The following CHAT variants were observed in gnomAD, a reference collection of about 807,000 sequenced individuals.
The protein encoded by CHAT is acetyl CoA:choline O-acetyltransferase.
In CHAT, 61 loss-of-function variants were observed where a neutral mutation model predicts 76.9. The observed-to-expected ratio is 0.79, with a 90% CI of 0.65 to 0.98. The LOEUF (loss-of-function observed/expected upper bound fraction) is 0.98, where lower values mean the gene tolerates loss of function less well. Among genes scored for constraint, CHAT ranks in the 50% least tolerant of loss-of-function variants. CHAT has a pLI of 0.00. For missense variants in CHAT, 946 were observed against 986.9 expected, an observed-to-expected ratio of 0.96 and a Z score of 0.56; for synonymous variants, 407 against 397.4, an observed-to-expected ratio of 1.02 and a Z score of -0.29.
At chr10:49,633,367 C>T (rs1337532544) in intron 7 of CHAT, among the ~76,000 whole-genome samples, 4 of 152,164 alleles carry the variant, frequency 2.6e-5, no homozygotes, top group Non-Finnish European at 4.4e-5. Flanking sequence ...CTTTCCTGGG[C>T]ACCTTCTGTC....
At chr10:49,629,147 C>G (rs2132740512) in intron 7 of CHAT, among the ~76,000 whole-genome samples, 1 of 152,348 alleles carries the variant, frequency 6.6e-6, no homozygotes, top group East Asian at 1.9e-4. Flanking sequence ...CTGCCTTTCC[C>G]CCCACCTCCT....
Position 49,667,596 on chromosome 10 carries a change from G to C in CHAT, c.*2550G>C, listed in dbSNP as rs974686170. 6.6e-6 allele frequency among the ~76,000 whole-genome samples: 1 copy of C among 152,212 alleles called. No individual in the cohort carries two copies. The highest frequency in any genetic ancestry group is 2.1e-4 in the South Asian group (1 of 4,828). On this transcript the variant is annotated 3_prime_UTR_variant, in exon 15 of 15. Transcript: ENST00000337653. The stretch of plus-strand genomic sequence containing the variant: ...AAAGGCAACACTGAGCCATGGCCAA[G>C]GGCATCTCTGCGGGGACCCTGGGAA...
intron 5 of CHAT, among the ~76,000 whole-genome samples, chr10:49,622,475 T>A (rs368612735): frequency 6.6e-6 from 1 of 152,162 alleles, no homozygotes; most frequent in Non-Finnish European, 1.5e-5. Flanking sequence ...GGAAGAGTTG[T>A]TAGAGTAAGG....
intron 8 of CHAT, 75 bp from the exon 9 acceptor site, chr10:49,648,432 C>A: frequency 8.9e-7 from 1 of 1,117,484 alleles, no homozygotes; most frequent in Admixed American, 1.9e-5. Flanking sequence ...AAGCCAGGGG[C>A]CTAACCTGGG....
At position 49,622,109 on chromosome 10, in the gene CHAT, C is replaced by G. The variant is rs78925077; in HGVS notation, c.711C>G (p.Ser237Arg). 5,869 of 1,262,450 alleles carry G rather than the reference C, an allele frequency of 4.6e-3. 21 individuals are homozygous for G. Among genetic ancestry groups the G allele is most frequent in the East Asian group, 0.015 (315 of 20,728 alleles). 78.2% of individuals were successfully genotyped at this position (1,262,450 alleles called of 1,614,324 possible). Residue 237 changes from serine to arginine, a missense_variant, in exon 5 of 15, where the codon AGC becomes AGG. By Grantham distance (110) the Ser-to-Arg change is moderately radical. Around this residue, in one of 3 missense-constraint regions of CHAT, gnomAD observed 548 missense variants for 516.2 expected, o/e 1.06. Coordinates refer to ENST00000337653, the MANE Select transcript of CHAT (RefSeq NM_020549.5). Reference sequence around the variant, plus strand: ...CTTCTCCCTGCAGGTTTGCAGCCAGCCTCATCTCTGGTGTACTCAGCTACA... The same window carrying G: ...CTTCTCCCTGCAGGTTTGCAGCCAGGCTCATCTCTGGTGTACTCAGCTACA... Reference protein sequence around the residue: ...GTDDQLRFAASLISGVLSYKA... With the variant: ...GTDDQLRFAARLISGVLSYKA...
At chr10:49,619,678 G>T in intron 2 of CHAT, 47 bp from the exon 3 acceptor site, 2 of 1,575,114 alleles carry the variant, frequency 1.3e-6, no homozygotes, top group South Asian at 1.1e-5. Context: ...GGACAGGCAT[G>T]GGGCGCACAT....
chr10:49,622,891 C>T (rs886639806), intron 5 of CHAT, among the ~76,000 whole-genome samples: 2 of 152,194 alleles, frequency 1.3e-5, no homozygotes, highest in African/African-American at 4.8e-5. Context: ...GCAAACTTCA[C>T]TCTTTGTTCA....
Position 49,667,691 on chromosome 10 carries a change from A to T in CHAT, c.*2645A>T, listed in dbSNP as rs938164770. 6.6e-6 allele frequency among the ~76,000 whole-genome samples: 1 copy of T among 152,272 alleles called. No individual in the cohort carries two copies. The highest frequency in any genetic ancestry group is 2.4e-5 in the African/African-American group (1 of 41,478). On this transcript the variant is annotated 3_prime_UTR_variant, in exon 15 of 15. Coordinates refer to ENST00000337653, the MANE Select transcript of CHAT (RefSeq NM_020549.5). The stretch of plus-strand genomic sequence containing the variant: ...GTCATTTGGAACAGTGATGCATAAT[A>T]AAATGTATGTGGCCACCTTACAATA...
Position 49,665,260 on chromosome 10 carries a change from G to A in CHAT, c.*214G>A, listed in dbSNP as rs528326395. ...ATCATCATTTTCAAGGTGGCTTTGG[G>A]CCTGCACACTGGGAAATGGGACCTG... is the stretch of plus-strand genomic sequence containing the variant. On this transcript the variant is annotated 3_prime_UTR_variant, in exon 15 of 15. Transcript: ENST00000337653. Among the ~76,000 whole-genome samples, 1 of 152,282 alleles carries A rather than the reference G, an allele frequency of 6.6e-6. No individual in the cohort carries two copies. The highest frequency in any genetic ancestry group is 1.5e-5 in the Non-Finnish European group (1 of 68,028).
intron 7 of CHAT, among the ~76,000 whole-genome samples, chr10:49,632,251 C>G (rs192441337): frequency 2.0e-5 from 3 of 152,084 alleles, no homozygotes; most frequent in Non-Finnish European, 2.9e-5. Context: ...AGGCATGAAG[C>G]GCTCCAGAAG....
intron 13 of CHAT, among the ~76,000 whole-genome samples, chr10:49,660,679 A>C (rs11101198): frequency 0.14 from 21,953 of 152,174 alleles, 1,756 homozygotes; most frequent in Non-Finnish European, 0.18. Flanking sequence ...TATGACAATA[A>C]CAACTTTAAA....
intron 1 of CHAT, among the ~76,000 whole-genome samples, chr10:49,614,705 G>T (rs1402485359): frequency 1.3e-5 from 2 of 152,254 alleles, no homozygotes; most frequent in Non-Finnish European, 1.5e-5. Flanking sequence ...GGGACTCCAA[G>T]CGCATGTTCT....
At chr10:49,633,915 A>C (rs968158210) in intron 7 of CHAT, among the ~76,000 whole-genome samples, 5 of 152,226 alleles carry the variant, frequency 3.3e-5, no homozygotes, top group Admixed American at 1.3e-4. Context: ...CTACAGCTGC[A>C]GAAGGCCATG....
At chr10:49,622,772 C>T (rs565715035) in intron 5 of CHAT, among the ~76,000 whole-genome samples, 7 of 152,218 alleles carry the variant, frequency 4.6e-5, no homozygotes, top group African/African-American at 1.2e-4. Context: ...GAGAGAGAGG[C>T]CCAAAGAAGC....
intron 1 of CHAT, chr10:49,615,917 C>T: frequency 1.0e-6 from 1 of 959,666 alleles, no homozygotes; most frequent in Admixed American, 2.1e-5. Context: ...TCTCCCTGCC[C>T]TGGCCACAGG....
chr10:49,664,695 G>A (rs1440954815), intron 14 of CHAT, 82 bp from the exon 15 acceptor site: 46 of 1,552,764 alleles, frequency 3.0e-5, no homozygotes. Flanking sequence ...ACCCCCAGGT[G>A]GAAAACAGAG....
chr10:49,640,945 A>C (rs1461652139), intron 7 of CHAT, among the ~76,000 whole-genome samples: 3 of 152,250 alleles, frequency 2.0e-5, no homozygotes, highest in Non-Finnish European at 4.4e-5. Context: ...AAACCAAAAC[A>C]ACCCCACAGT....
At chr10:49,636,312 T>C (rs1275337711) in intron 7 of CHAT, among the ~76,000 whole-genome samples, 1 of 152,204 alleles carries the variant, frequency 6.6e-6, no homozygotes, top group Non-Finnish European at 1.5e-5. Flanking sequence ...TGGGCTACAT[T>C]GATTGATTTT....
chr10:49,654,166 G>A (rs1307338326), intron 11 of CHAT, among the ~76,000 whole-genome samples: 1 of 152,236 alleles, frequency 6.6e-6, no homozygotes, highest in East Asian at 1.9e-4. Flanking sequence ...GACAGGACAG[G>A]AGCTCCTTGC....
Sources: allele counts gnomAD v4.1 joint callset (sites outside exome capture counted in the v4.1 genomes callset), GRCh38; gene constraint gnomAD v4.1.1; regional missense constraint gnomAD v4.1.1; transcripts MANE v1.5; gene names NCBI Gene and HGNC (gene_info 2026-07-23, HGNC 2026-07-21).